DTNB: variants seen among roughly 807,000 people sequenced by gnomAD.
DTNB encodes dystrobrevin beta.
In DTNB, 63 loss-of-function variants were observed where a neutral mutation model predicts 90.7. That is an observed-to-expected ratio of 0.69 (90% CI 0.57 to 0.86). The LOEUF (loss-of-function observed/expected upper bound fraction) is 0.86, where lower values mean the gene tolerates loss of function less well. DTNB is among the 40% of genes least tolerant of loss of function. The pLI, the probability that DTNB is intolerant of heterozygous loss-of-function variation, is 0.00. For missense variants in DTNB, 744 were observed against 807.1 expected (o/e 0.92, Z 0.95); for synonymous variants, 277 against 286.7 (o/e 0.97, Z 0.34).
chr2:25,628,397 G>T lies in DTNB; in HGVS notation c.149-13C>A. 1 of 1,607,442 alleles carries T rather than the reference G, an allele frequency of 6.2e-7. No homozygotes were observed. ...TCAACAAGATGAACTAAAAGACAAA[G>T]AAAATAAACTGTCAACAATTTTAAA... is the stretch of plus-strand genomic sequence containing the variant. On this transcript the variant is annotated splice_polypyrimidine_tract_variant and intron_variant, in intron 3 of 20. Transcript: ENST00000406818.
At chr2:25,575,275 CA>C (rs1559088824) in intron 8 of DTNB, among the ~76,000 whole-genome samples, 3 of 149,582 alleles carry the variant, frequency 2.0e-5, no homozygotes, top group African/African-American at 7.3e-5. Flanking sequence ...AAAACATTAA[CA>C]ATTAACATAG....
intron 8 of DTNB, among the ~76,000 whole-genome samples, chr2:25,545,826 T>C (rs1227385279): frequency 6.6e-6 from 1 of 152,216 alleles, no homozygotes; most frequent in East Asian, 1.9e-4. Context: ...TTCACCATGC[T>C]GGCCAGGCTG....
At chr2:25,577,054 T>G in intron 7 of DTNB, 50 bp from the exon 8 acceptor site, 16 of 1,464,682 alleles carry the variant, frequency 1.1e-5, no homozygotes, top group Middle Eastern at 1.8e-4. Context: ...AGGGAAGGGA[T>G]AGAATAAAAG....
chr2:25,479,815 G>A (rs1206512026), intron 10 of DTNB, among the ~76,000 whole-genome samples: 3 of 152,220 alleles, frequency 2.0e-5, no homozygotes, highest in African/African-American at 7.2e-5. Context: ...CACTGTGCAT[G>A]TTGTTGTCTC....
intron 16 of DTNB, among the ~76,000 whole-genome samples, chr2:25,415,050 G>A (rs1161052638): frequency 1.3e-5 from 2 of 152,132 alleles, no homozygotes; most frequent in African/African-American, 4.8e-5. Context: ...AGAAGAATCA[G>A]TGGAGGTACT....
chr2:25,652,388 C>T (rs1180130406), intron 2 of DTNB, among the ~76,000 whole-genome samples: 1 of 152,028 alleles, frequency 6.6e-6, no homozygotes, highest in Admixed American at 6.6e-5. Flanking sequence ...TTATTTATGG[C>T]CTTGTCTAAG....
intron 10 of DTNB, among the ~76,000 whole-genome samples, chr2:25,462,499 A>T (rs1345809560): frequency 3.3e-5 from 5 of 152,106 alleles, no homozygotes; most frequent in Non-Finnish European, 7.3e-5. Flanking sequence ...TTGGACAATA[A>T]CTTCTCTATG....
At chr2:25,582,214 G>A (rs1015028303) in intron 6 of DTNB, among the ~76,000 whole-genome samples, 8 of 152,118 alleles carry the variant, frequency 5.3e-5, no homozygotes, top group South Asian at 4.2e-4. Context: ...AACACAAACC[G>A]GAAGCGAGGA....
rs1383267455 is a variant in DTNB at position 25,413,857 on chromosome 2, C to T, written c.1575+5658G>A. ...ATAGATCCTTGAGGAATTGCCACAC[C>T]GTCTTCCACAATGGTTGAACTAGTT... On this transcript the variant is annotated intron_variant, in intron 16 of 20. Coordinates refer to ENST00000406818, the MANE Select transcript of DTNB (RefSeq NM_021907.5). Among the ~76,000 whole-genome samples the T allele has an allele frequency of 3.3e-5, 5 of 152,160 alleles. No individual in the cohort carries two copies. In the East Asian group the frequency reaches 5.8e-4, roughly 18 times the overall value.
intron 10 of DTNB, among the ~76,000 whole-genome samples, chr2:25,466,310 G>C (rs1458716885): frequency 6.6e-6 from 1 of 152,170 alleles, no homozygotes; most frequent in African/African-American, 2.4e-5. Flanking sequence ...ACTCCAGCCT[G>C]GGCAACAGAG....
At chr2:25,590,416 G>T (rs144525079) in intron 6 of DTNB, among the ~76,000 whole-genome samples, 1 of 152,144 alleles carries the variant, frequency 6.6e-6, no homozygotes, top group Admixed American at 6.5e-5. Context: ...GAGGAGACTC[G>T]CAATGGGTAG....
intron 9 of DTNB, among the ~76,000 whole-genome samples, chr2:25,487,769 G>C (rs1283342647): frequency 3.3e-5 from 5 of 152,106 alleles, no homozygotes; most frequent in African/African-American, 1.2e-4. Flanking sequence ...TGAGAAACTG[G>C]GTCTAATTTA....
chr2:25,440,368 A>G (rs1415687798), intron 12 of DTNB, among the ~76,000 whole-genome samples: 1 of 152,250 alleles, frequency 6.6e-6, no homozygotes, highest in Admixed American at 6.5e-5. Flanking sequence ...GGGCTTCTAG[A>G]ATAAAATGGC....
chr2:25,555,487 A>G (rs1015922749), intron 8 of DTNB, among the ~76,000 whole-genome samples: 2 of 152,156 alleles, frequency 1.3e-5, no homozygotes, highest in African/African-American at 4.8e-5. Context: ...ATCATTGAAA[A>G]AAATCAAGTA....
At chr2:25,496,459 G>A (rs2068864976) in intron 9 of DTNB, among the ~76,000 whole-genome samples, 1 of 152,084 alleles carries the variant, frequency 6.6e-6, no homozygotes, top group Non-Finnish European at 1.5e-5. Context: ...CTGTTCACAT[G>A]GTCATCAACT....
chr2:25,470,369 A>C (rs1291410019), intron 10 of DTNB, among the ~76,000 whole-genome samples: 1 of 132,778 alleles, frequency 7.5e-6, no homozygotes, highest in African/African-American at 2.8e-5. Flanking sequence ...TTACACGACA[A>C]TTTTTTTTTT....
chr2:25,465,006 C>A (rs909650334), intron 10 of DTNB, among the ~76,000 whole-genome samples: 7 of 152,146 alleles, frequency 4.6e-5, no homozygotes, highest in Non-Finnish European at 7.3e-5. Flanking sequence ...AAGTCTGGAA[C>A]TTAATTCACA....
intron 4 of DTNB, among the ~76,000 whole-genome samples, chr2:25,626,119 G>C (rs1194208877): frequency 6.6e-6 from 1 of 152,178 alleles, no homozygotes; most frequent in African/African-American, 2.4e-5. Context: ...CAGCCCAGTA[G>C]ACTAAAGCGC....
intron 9 of DTNB, among the ~76,000 whole-genome samples, chr2:25,493,702 T>C (rs1355470437): frequency 1.3e-5 from 2 of 152,346 alleles, no homozygotes; most frequent in African/African-American, 4.8e-5. Flanking sequence ...ACATTGGCCA[T>C]AGTATGCAAA....
Sources: gnomAD v4.1 joint callset for allele counts (sites outside exome capture counted in the v4.1 genomes callset) on GRCh38, gnomAD v4.1.1 for gene constraint, MANE v1.5 for transcripts, NCBI Gene and HGNC (gene_info 2026-07-23, HGNC 2026-07-21) for gene names.